Variants in IPCEF1 observed in about 807,000 individuals in gnomAD.
IPCEF1 encodes interactor protein for cytohesin exchange factors 1.
In IPCEF1, 31 loss-of-function variants were observed where a neutral mutation model predicts 50.9. The observed-to-expected ratio is 0.61, with a 90% CI of 0.46 to 0.82. The LOEUF (loss-of-function observed/expected upper bound fraction) is 0.82, where lower values mean the gene tolerates loss of function less well. Ranked by LOEUF, IPCEF1 falls within the 40% of genes least tolerant of loss-of-function variation. IPCEF1 has a pLI of 0.00. For missense variants in IPCEF1, 458 were observed against 514.0 expected, an observed-to-expected ratio of 0.89 and a Z score of 1.05; for synonymous variants, 181 against 192.0, an observed-to-expected ratio of 0.94 and a Z score of 0.47.
At chr6:154,244,801 C>G (rs1554818) in intron 5 of IPCEF1, among the ~76,000 whole-genome samples, 1,951 of 152,262 alleles carry the variant, frequency 0.013, 22 homozygotes, top group South Asian at 0.036. Flanking sequence ...TAATTTGATT[C>G]CCGGAGAAGA....
intron 10 of IPCEF1, among the ~76,000 whole-genome samples, chr6:154,182,988 CT>C (rs1041540280): frequency 1.5e-5 from 2 of 130,774 alleles, no homozygotes; most frequent in East Asian, 2.0e-4. Context: ...TTTTTTTTTT[CT>C]TTTTTTTTGA....
chr6:154,264,538 A>G (rs888825458), intron 3 of IPCEF1, among the ~76,000 whole-genome samples: 5 of 151,934 alleles, frequency 3.3e-5, no homozygotes, highest in Non-Finnish European at 7.4e-5. Flanking sequence ...ATGCCCGGCT[A>G]ATTTTTGTAT....
intron 1 of IPCEF1, among the ~76,000 whole-genome samples, chr6:154,327,578 T>G (rs1783553260): frequency 6.6e-6 from 1 of 152,128 alleles, no homozygotes. Context: ...CAACACATAT[T>G]GGTGAAGTTG....
Position 154,270,887 on chromosome 6 carries a change from G to A in IPCEF1, c.-17-4923C>T, listed in dbSNP as rs187890990. The stretch of plus-strand genomic sequence containing the variant: ...GCTACTAGGGAGGCTGAGGTGGGAG[G>A]ATGGCTTGAGCCCAGGAGGCTGAGG... On this transcript the variant is annotated intron_variant, in intron 2 of 11. Transcript: ENST00000367220. Among the ~76,000 whole-genome samples, 683 of 152,208 alleles carry A rather than the reference G, an allele frequency of 4.5e-3. 5 individuals are homozygous for A. Among genetic ancestry groups the A allele is most frequent in the African/African-American group, 0.016 (649 of 41,526 alleles).
At chr6:154,223,493 C>T (rs948273320) in intron 5 of IPCEF1, among the ~76,000 whole-genome samples, 4 of 152,132 alleles carry the variant, frequency 2.6e-5, no homozygotes, top group African/African-American at 9.7e-5. Flanking sequence ...GGGATGGTCA[C>T]CATATGGCAG....
intron 1 of IPCEF1, among the ~76,000 whole-genome samples, chr6:154,329,686 T>C (rs975533215): frequency 5.9e-5 from 9 of 151,942 alleles, no homozygotes; most frequent in African/African-American, 1.9e-4. Context: ...AGTTTTGTTA[T>C]GAATTCCTAG....
chr6:154,177,251 C>G (rs1397155587), intron 10 of IPCEF1, among the ~76,000 whole-genome samples: 1 of 152,302 alleles, frequency 6.6e-6, no homozygotes, highest in South Asian at 2.1e-4. Flanking sequence ...GACTAAAACA[C>G]CAAAAGCAAT....
At chr6:154,175,594 C>G (rs1800253404) in intron 10 of IPCEF1, among the ~76,000 whole-genome samples, 1 of 152,090 alleles carries the variant, frequency 6.6e-6, no homozygotes, top group Non-Finnish European at 1.5e-5. Flanking sequence ...AATTCATGGA[C>G]ACATACACCC....
intron 5 of IPCEF1, among the ~76,000 whole-genome samples, chr6:154,238,924 T>G (rs1014115508): frequency 1.3e-5 from 2 of 151,424 alleles, no homozygotes; most frequent in African/African-American, 2.4e-5. Context: ...ATATTGTTGT[T>G]TTTTTTAAAA....
rs568667519 is a variant in IPCEF1 at position 154,297,111 on chromosome 6, C to T, written c.-61-7355G>A. Among the ~76,000 whole-genome samples the T allele has an allele frequency of 1.5e-4, 23 of 152,024 alleles. 3 individuals carry two copies. The highest frequency in any genetic ancestry group is 1.2e-3 in the East Asian group (6 of 5,164). On this transcript the variant is annotated intron_variant, in intron 1 of 11. Coordinates refer to ENST00000367220, the MANE Select transcript of IPCEF1 (RefSeq NM_001130700.2). ...CACCCAGCCTGGCATGATCATGGCT[C>T]GCTACAGTTGCAACCTCCCCAGGCT...
intron 11 of IPCEF1, among the ~76,000 whole-genome samples, chr6:154,165,845 G>C (rs534943505): frequency 6.6e-6 from 1 of 152,352 alleles, no homozygotes; most frequent in South Asian, 2.1e-4. Flanking sequence ...CAGTTTCCAA[G>C]TTGTGACCTG....
intron 5 of IPCEF1, among the ~76,000 whole-genome samples, chr6:154,240,327 A>C (rs574262036): frequency 6.6e-6 from 1 of 152,340 alleles, no homozygotes; most frequent in East Asian, 1.9e-4. Context: ...CTTATGTTGT[A>C]GCTGGGGGAG....
intron 3 of IPCEF1, among the ~76,000 whole-genome samples, chr6:154,261,175 C>T (rs917923495): frequency 2.6e-5 from 4 of 152,098 alleles, no homozygotes; most frequent in African/African-American, 9.7e-5. Context: ...GCTGGGACTA[C>T]AGACATGAAC....
At chr6:154,277,946 G>A (rs1421869779) in intron 2 of IPCEF1, among the ~76,000 whole-genome samples, 1 of 151,196 alleles carries the variant, frequency 6.6e-6, no homozygotes, top group Non-Finnish European at 1.5e-5. Context: ...TTTCCCACTC[G>A]TACCTCACCT....
At chr6:154,234,494 C>T (rs528526013) in intron 5 of IPCEF1, among the ~76,000 whole-genome samples, 296 of 152,338 alleles carry the variant, frequency 1.9e-3, no homozygotes, top group African/African-American at 7.0e-3. Context: ...TGCTATTCCC[C>T]TTGCAGAAAA....
intron 10 of IPCEF1, among the ~76,000 whole-genome samples, chr6:154,189,174 C>T (rs985587805): frequency 6.6e-6 from 1 of 152,186 alleles, no homozygotes; most frequent in Non-Finnish European, 1.5e-5. Context: ...AATAAACACT[C>T]TTAGATGTGC....
rs1008674882 is a variant in IPCEF1, at chr6:154,264,262, T to G, written c.36+1650A>C. Reference sequence around the variant, plus strand: ...TTTTTTTAAAGAAACACCTTATCATTTGTTGGTCACTCTCCATTCATGATT... The same window carrying G: ...TTTTTTTAAAGAAACACCTTATCATGTGTTGGTCACTCTCCATTCATGATT... On this transcript the variant is annotated intron_variant, in intron 3 of 11. Transcript: ENST00000367220. Among the ~76,000 whole-genome samples, 9 of 150,874 alleles carry G rather than the reference T, an allele frequency of 6.0e-5. No individual in the cohort carries two copies. In the East Asian group the frequency reaches 1.7e-3, roughly 29 times the overall value.
intron 8 of IPCEF1, among the ~76,000 whole-genome samples, chr6:154,213,919 T>C (rs1442840982): frequency 1.3e-5 from 2 of 152,166 alleles, no homozygotes; most frequent in African/African-American, 4.8e-5. Context: ...CAGTAAGAAT[T>C]CCACAAGTGG....
chr6:154,252,101 A>G (rs1307993211), intron 3 of IPCEF1, among the ~76,000 whole-genome samples: 1 of 152,202 alleles, frequency 6.6e-6, no homozygotes, highest in Non-Finnish European at 1.5e-5. Flanking sequence ...TGGAATAAAG[A>G]CATAAAATGT....
Sources: allele counts gnomAD v4.1 joint callset (sites outside exome capture counted in the v4.1 genomes callset), GRCh38; gene constraint gnomAD v4.1.1; transcripts MANE v1.5; gene names NCBI Gene and HGNC (gene_info 2026-07-23, HGNC 2026-07-21).